ENTPD1: variants seen among roughly 807,000 people sequenced by gnomAD.
The protein encoded by ENTPD1 is ATP diphosphohydrolase.
In ENTPD1, 33 loss-of-function variants were observed where a neutral mutation model predicts 57.0. The ratio of observed to expected loss-of-function variants is 0.58; its 90% confidence interval spans 0.44 to 0.77. The LOEUF (loss-of-function observed/expected upper bound fraction) is 0.77, where lower values mean the gene tolerates loss of function less well. ENTPD1 is among the 30% of genes least tolerant of loss of function. ENTPD1 has a pLI of 0.00. For synonymous variants in ENTPD1, 202 were observed against 218.8 expected, an observed-to-expected ratio of 0.92 and a Z score of 0.68; for missense variants, 501 against 603.4, an observed-to-expected ratio of 0.83 and a Z score of 1.78.
chr10:95,796,720 A>T (rs2098227531), intron 1 of ENTPD1, among the ~76,000 whole-genome samples: 1 of 152,172 alleles, frequency 6.6e-6, no homozygotes, highest in Admixed American at 6.5e-5. Flanking sequence ...ATGTGTTGGA[A>T]GGGGAAGTAC....
intron 2 of ENTPD1, among the ~76,000 whole-genome samples, chr10:95,828,440 A>T (rs10882676): frequency 2.0e-5 from 3 of 151,848 alleles, no homozygotes; most frequent in Non-Finnish European, 2.9e-5. Context: ...GAAATAAGGT[A>T]GTTCACAATA....
chr10:95,784,577 T>C (rs2098171207), intron 1 of ENTPD1, among the ~76,000 whole-genome samples: 3 of 152,164 alleles, frequency 2.0e-5, no homozygotes, highest in African/African-American at 7.2e-5. Flanking sequence ...AGAGACCAAT[T>C]GCTATATGGC....
intron 1 of ENTPD1, 61 bp from the exon 2 acceptor site, chr10:95,823,176 G>A: frequency 2.5e-6 from 4 of 1,606,336 alleles, no homozygotes; most frequent in South Asian, 1.1e-5. Flanking sequence ...GACAGAAAGG[G>A]GAGGAAAATC....
intron 2 of ENTPD1, among the ~76,000 whole-genome samples, chr10:95,828,751 C>T (rs2098386828): frequency 1.4e-5 from 2 of 139,792 alleles, no homozygotes; most frequent in Admixed American, 7.4e-5. Context: ...GCTCTTGTTG[C>T]CCAGGCTGGA....
chr10:95,754,918 G>A (rs2098018569), upstream of ENTPD1: 1 of 152,226 alleles, frequency 6.6e-6, no homozygotes, highest in South Asian at 2.1e-4. Flanking sequence ...ATTAAAGTAT[G>A]ACTGAAAGCT....
At chr10:95,754,605 C>T (rs2098017913), upstream of ENTPD1, 1 of 152,060 alleles carries the variant, frequency 6.6e-6, no homozygotes, top group Non-Finnish European at 1.5e-5. Context: ...TTGGTTTTTA[C>T]AAAAAATCCC....
chr10:95,756,789 A>G (rs1297914252), intron 1 of ENTPD1: 1 of 150,886 alleles, frequency 6.6e-6, no homozygotes, highest in Admixed American at 6.6e-5. Context: ...ATGTCTTTCA[A>G]AATGCTGAAA....
At position 95,817,485 on chromosome 10, in the gene ENTPD1, T is replaced by C. The variant is rs201798409; in HGVS notation, c.17-5752T>C. Among the ~76,000 whole-genome samples the C allele has an allele frequency of 3.3e-5, 5 of 152,298 alleles. No homozygotes were observed. In the East Asian group the frequency reaches 9.6e-4, roughly 29 times the overall value. On this transcript the variant is annotated intron_variant, in intron 1 of 9. Coordinates refer to ENST00000371205, the MANE Select transcript of ENTPD1 (RefSeq NM_001776.6). ...TCACCCCTAAGTTGCTAAGCATAGA[T>C]TATATGAATGACTTTAGAAGTAAGT... is the stretch of plus-strand genomic sequence containing the variant.
At chr10:95,728,973 A>G (rs2097986526) in intron 1 of ENTPD1, among the ~76,000 whole-genome samples, 1 of 152,184 alleles carries the variant, frequency 6.6e-6, no homozygotes, top group South Asian at 2.1e-4. Context: ...ATAGACTAAT[A>G]TCTACATATA....
At chr10:95,800,860 G>T (rs1338663602) in intron 1 of ENTPD1, among the ~76,000 whole-genome samples, 3 of 152,008 alleles carry the variant, frequency 2.0e-5, no homozygotes, top group Non-Finnish European at 4.4e-5. Context: ...AAACACACAT[G>T]TTTTACAAAC....
At chr10:95,858,714 G>A (rs368086990) in intron 7 of ENTPD1, among the ~76,000 whole-genome samples, 10 of 152,294 alleles carry the variant, frequency 6.6e-5, no homozygotes, top group Middle Eastern at 3.4e-3. Context: ...TGCAGAGCTC[G>A]ACTTCCTAGA....
chr10:95,867,825 G>A lies in ENTPD1; in HGVS notation c.*1442G>A. On this transcript the variant is annotated 3_prime_UTR_variant, in exon 10 of 10. Transcript: ENST00000371205. ...AGAAAAGCTCTCACACAAACCGGAA[G>A]CCAAATGTCCCCTATCTCTTGAATG... 1.0e-6 allele frequency: 1 copy of A among 985,420 alleles called. No homozygotes were observed. The highest frequency in any genetic ancestry group is 1.2e-6 in the Non-Finnish European group (1 of 829,924). The allele number at this position is 985,420 out of a possible 1,614,324, so 61.0% of individuals were successfully genotyped here.
rs141751534 is a variant in ENTPD1 at position 95,857,080 on chromosome 10, T to C, written c.1075-3389T>C. Among the ~76,000 whole-genome samples, 961 of 152,172 alleles carry C rather than the reference T, an allele frequency of 6.3e-3. 7 individuals are homozygous for C. Among genetic ancestry groups the C allele is most frequent in the Non-Finnish European group, 7.7e-3 (521 of 68,026 alleles). On this transcript the variant is annotated intron_variant, in intron 7 of 9. Coordinates refer to ENST00000371205, the MANE Select transcript of ENTPD1 (RefSeq NM_001776.6). ...AAAAGAAATGAATAGGGAAACTTCA[T>C]GTTTTGAGAAATAAATAAGAGCAAG...
chr10:95,840,436 C>T (rs540708776), intron 3 of ENTPD1, among the ~76,000 whole-genome samples: 30 of 152,284 alleles, frequency 2.0e-4, no homozygotes, highest in Admixed American at 1.8e-3. Flanking sequence ...AATCTTTGTA[C>T]CCTGATCTAC....
chr10:95,719,776 C>G (rs1053541932), intron 1 of ENTPD1, among the ~76,000 whole-genome samples: 1 of 152,172 alleles, frequency 6.6e-6, no homozygotes, highest in South Asian at 2.1e-4. Flanking sequence ...TAATGCTTGG[C>G]CAAATAGATG....
intron 1 of ENTPD1, among the ~76,000 whole-genome samples, chr10:95,818,863 A>G (rs2098338878): frequency 6.6e-6 from 1 of 152,220 alleles, no homozygotes; most frequent in Admixed American, 6.5e-5. Flanking sequence ...AAGGACCACA[A>G]CATTCCTTGA....
At chr10:95,724,161 CAAAAAAAAAA>C (rs35316347) in intron 1 of ENTPD1, among the ~76,000 whole-genome samples, 2 of 50,348 alleles carry the variant, frequency 4.0e-5, no homozygotes, top group Non-Finnish European at 3.3e-5. Context: ...GACTCTGTCT[CAAAAAAAAAA>C]AAAAAAAAAA....
chr10:95,845,609 C>G lies in ENTPD1; in HGVS notation c.813+13C>G, dbSNP rs1356177912. 6.2e-7 allele frequency: 1 copy of G among 1,614,122 alleles called. No individual in the cohort carries two copies. The highest frequency in any genetic ancestry group is 8.5e-7 in the Non-Finnish European group (1 of 1,180,052). ...CAAGGACATTCAGGCAAGTATAACT[C>G]AATCCAGACCTGCCCCCTTCACATC... is the stretch of plus-strand genomic sequence containing the variant. On this transcript the variant is annotated intron_variant, in intron 6 of 9. Coordinates refer to ENST00000371205, the MANE Select transcript of ENTPD1 (RefSeq NM_001776.6).
chr10:95,706,031 C>G, the ENTPD1 span, among the ~76,000 whole-genome samples: 40 of 152,132 alleles, frequency 2.6e-4, no homozygotes, highest in Admixed American at 2.5e-3. Flanking sequence ...CCTGGGAGGT[C>G]AAGGCTGCAG....
Sources: allele counts gnomAD v4.1 joint callset (sites outside exome capture counted in the v4.1 genomes callset), GRCh38; gene constraint gnomAD v4.1.1; transcripts MANE v1.5; gene names NCBI Gene and HGNC (gene_info 2026-07-23, HGNC 2026-07-21).